AFDN: variants seen among roughly 807,000 people sequenced by gnomAD.
AFDN encodes the protein afadin.
A neutral mutation model predicts 216.6 loss-of-function variants in AFDN; 68 were observed. The observed-to-expected ratio is 0.31, with a 90% CI of 0.26 to 0.38. The LOEUF is 0.38. AFDN is among the 10% of genes least tolerant of loss of function. The pLI is 1.00. For synonymous variants in AFDN, 868 were observed against 853.7 expected (o/e 1.02, Z -0.29); for missense variants, 2,136 against 2,342.0 (o/e 0.91, Z 1.82).
intron 31 of AFDN, among the ~76,000 whole-genome samples, chr6:167,965,422 G>T (rs1797443080): frequency 6.6e-6 from 1 of 152,210 alleles, no homozygotes; most frequent in African/African-American, 2.4e-5. Context: ...AGAGAAGGAA[G>T]TAACAGGAGC....
chr6:167,901,262 A>G (rs1364704140), intron 11 of AFDN, among the ~76,000 whole-genome samples: 1 of 152,208 alleles, frequency 6.6e-6, no homozygotes, highest in Non-Finnish European at 1.5e-5. Flanking sequence ...GGAAATTTAA[A>G]TACTAATTCA....
intron 1 of AFDN, among the ~76,000 whole-genome samples, chr6:167,851,742 A>T (rs144748705): frequency 0.021 from 3,195 of 152,274 alleles, 71 homozygotes; most frequent in Middle Eastern, 0.058. Flanking sequence ...GCTGTTTCCA[A>T]GGCTCTGCCT....
At chr6:167,940,070 G>A (rs1309479678) in intron 23 of AFDN, among the ~76,000 whole-genome samples, 1 of 152,242 alleles carries the variant, frequency 6.6e-6, no homozygotes, top group Non-Finnish European at 1.5e-5. Context: ...GTATTTGGCT[G>A]TTGTGGTGTG....
At chr6:167,945,017 T>C (rs535831817) in intron 26 of AFDN, among the ~76,000 whole-genome samples, 77 of 152,224 alleles carry the variant, frequency 5.1e-4, no homozygotes, top group African/African-American at 1.9e-3. Flanking sequence ...TAACCTTAGC[T>C]TGCTGTAACT....
chr6:167,853,149 A>G (rs1446332730), intron 1 of AFDN, among the ~76,000 whole-genome samples: 1 of 152,064 alleles, frequency 6.6e-6, no homozygotes, highest in Admixed American at 6.5e-5. Flanking sequence ...GTGGGGAGAA[A>G]AATCTGTATA....
At chr6:167,856,692 C>T (rs1026729547) in intron 1 of AFDN, among the ~76,000 whole-genome samples, 1 of 152,062 alleles carries the variant, frequency 6.6e-6, no homozygotes, top group African/African-American at 2.4e-5. Flanking sequence ...TTTAATTCTC[C>T]ACCGTAACAT....
intron 12 of AFDN, among the ~76,000 whole-genome samples, chr6:167,905,382 A>G (rs1235495580): frequency 6.6e-6 from 1 of 152,208 alleles, no homozygotes; most frequent in Non-Finnish European, 1.5e-5. Context: ...GCCGAAGAAA[A>G]CTGTCTTTAT....
At position 167,872,305 on chromosome 6, in the gene AFDN, A is replaced by C; in HGVS notation, c.506A>C (p.Lys169Thr). Residue 169 changes from lysine (K) to threonine (T), a missense_variant, in exon 4 of 34, where the codon AAA becomes ACA. By Grantham distance (78) the Lys-to-Thr change is moderately conservative. This residue lies in a region of AFDN where 817 missense variants were observed against 965.7 expected (regional missense o/e 0.85). Transcript: ENST00000683244. ...CTCTCAAAGAAAGAAAAGAAGGAAAAAAAGAAGAGAGAAAAAGAGGCATTG... is the reference window on the plus strand; with the variant it reads ...CTCTCAAAGAAAGAAAAGAAGGAAACAAAGAAGAGAGAAAAAGAGGCATTG... ...RTLSKKEKKE[K>T]KKREKEALRQ... 6.2e-7 allele frequency: 1 copy of C among 1,614,096 alleles called. No individual in the cohort carries two copies. The highest frequency in any genetic ancestry group is 2.2e-5 in the East Asian group (1 of 44,880).
chr6:167,860,983 G>A (rs1783498189), intron 1 of AFDN, among the ~76,000 whole-genome samples: 1 of 152,154 alleles, frequency 6.6e-6, no homozygotes, highest in Admixed American at 6.5e-5. Context: ...TGGTGATGTA[G>A]GCAGGTCTGG....
chr6:167,853,570 G>C (rs531962603), intron 1 of AFDN, among the ~76,000 whole-genome samples: 87 of 152,000 alleles, frequency 5.7e-4, no homozygotes, highest in Non-Finnish European at 9.3e-4. Flanking sequence ...ATAGTTACAT[G>C]GTTCCAGAGC....
At chr6:167,921,049 G>T (rs574038258) in intron 21 of AFDN, among the ~76,000 whole-genome samples, 1 of 152,332 alleles carries the variant, frequency 6.6e-6, no homozygotes, top group South Asian at 2.1e-4. Context: ...CACTTTCTCT[G>T]ATCCTCAGCA....
chr6:167,877,212 A>G (rs1413556770), intron 5 of AFDN, among the ~76,000 whole-genome samples: 2 of 152,110 alleles, frequency 1.3e-5, no homozygotes, highest in Non-Finnish European at 2.9e-5. Flanking sequence ...TCTGCTTTTT[A>G]TTGGAAAGAT....
At position 167,962,897 on chromosome 6, in the gene AFDN, G is replaced by T; in HGVS notation, c.4968+330G>T. The T allele has an allele frequency of 8.6e-7, 1 of 1,165,318 alleles. No individual in the cohort carries two copies. Among genetic ancestry groups the T allele is most frequent in the Non-Finnish European group, 1.1e-6 (1 of 938,122 alleles). The allele number at this position is 1,165,318 out of a possible 1,614,324, so 72.2% of individuals were successfully genotyped here. On this transcript the variant is annotated intron_variant, in intron 31 of 33. Coordinates refer to ENST00000683244, the MANE Select transcript of AFDN (RefSeq NM_001386888.1). The surrounding 1 kb of genome is among the most constrained non-coding windows in gnomAD (Gnocchi z 5.2). ...ACTGAACATGGCCCAGCTTGTCATTGTGAAGGTGACATTGGTTCAGTGATT... is the reference window on the plus strand; with the variant it reads ...ACTGAACATGGCCCAGCTTGTCATTTTGAAGGTGACATTGGTTCAGTGATT...
At chr6:167,839,641 C>CA (rs903860815) in intron 1 of AFDN, among the ~76,000 whole-genome samples, 6 of 152,264 alleles carry the variant, frequency 3.9e-5, no homozygotes, top group African/African-American at 1.4e-4. Flanking sequence ...CTAGCCCTCC[C>CA]ACTCAGTACA....
chr6:167,942,270 C>T (rs184237661), intron 23 of AFDN, among the ~76,000 whole-genome samples: 164 of 152,292 alleles, frequency 1.1e-3, no homozygotes, highest in Non-Finnish European at 1.6e-3. Context: ...TGTGTTGAAT[C>T]GTATCTTCGT....
At chr6:167,855,571 C>T (rs193277199) in intron 1 of AFDN, among the ~76,000 whole-genome samples, 1 of 152,014 alleles carries the variant, frequency 6.6e-6, no homozygotes, top group African/African-American at 2.4e-5. Flanking sequence ...TGAGGATTCC[C>T]CCCTTAGCTA....
chr6:167,912,684 G>A (rs372351425), intron 15 of AFDN, among the ~76,000 whole-genome samples: 2 of 152,082 alleles, frequency 1.3e-5, no homozygotes, highest in African/African-American at 2.4e-5. Flanking sequence ...AGCCTGTTTC[G>A]AGTTGTGAGA....
At chr6:167,893,462 T>C (rs933701006) in intron 8 of AFDN, among the ~76,000 whole-genome samples, 7 of 152,270 alleles carry the variant, frequency 4.6e-5, no homozygotes, top group African/African-American at 1.7e-4. Context: ...GGTCATGAGC[T>C]CAGCATTGTC....
chr6:167,832,673 C>T (rs1297088236), intron 1 of AFDN, among the ~76,000 whole-genome samples: 1 of 152,114 alleles, frequency 6.6e-6, no homozygotes, highest in Admixed American at 6.5e-5. Flanking sequence ...TTTATACTTA[C>T]AAATTTATGC....
Sources: allele counts gnomAD v4.1 joint callset (sites outside exome capture counted in the v4.1 genomes callset), GRCh38; gene constraint gnomAD v4.1.1; regional missense constraint gnomAD v4.1.1; non-coding constraint Gnocchi (gnomAD v3.1); transcripts MANE v1.5; gene names NCBI Gene and HGNC (gene_info 2026-07-23, HGNC 2026-07-21).